NAA11: variants seen among roughly 807,000 people sequenced by gnomAD.
NAA11 encodes N-alpha-acetyltransferase 11.
NAA11 carries 15 observed loss-of-function variants against 16.1 expected under a neutral mutation model. That is an observed-to-expected ratio of 0.93 (90% CI 0.62 to 1.44). The LOEUF (loss-of-function observed/expected upper bound fraction) is 1.44, where lower values mean the gene tolerates loss of function less well. Among genes scored for constraint, NAA11 ranks in the 40% most tolerant of loss-of-function variants. The probability of loss-of-function intolerance (pLI) is 0.00; values close to 1 mark genes in which losing one functional copy is unlikely to be tolerated. For synonymous variants in NAA11, 122 were observed against 112.4 expected (o/e 1.09, Z -0.54); for missense variants, 298 against 291.3 (o/e 1.02, Z -0.17).
chr4:79,235,208 C>G (rs1578154440), intron 2 of NAA11, among the ~76,000 whole-genome samples: 1 of 152,020 alleles, frequency 6.6e-6, no homozygotes, highest in East Asian at 1.9e-4. Flanking sequence ...AGACCCCATC[C>G]CTTTGGGGAC....
chr4:79,300,569 ATTTC>A lies in NAA11; in HGVS notation c.*13-6459_*13-6456del, dbSNP rs564231437. Reference sequence around the variant, plus strand: ...ACTATACAGGGCAGGAAGAGAAAGCATTTCTTCTATCCTTAAGTAATTGGAAATC... The same window carrying A: ...ACTATACAGGGCAGGAAGAGAAAGCATTCTATCCTTAAGTAATTGGAAATC... On this transcript the variant is annotated intron_variant and NMD_transcript_variant, in intron 1 of 2. Coordinates refer to the NAA11 transcript ENST00000511542. 2.3e-4 allele frequency among the ~76,000 whole-genome samples: 35 copies of A among 152,352 alleles called. No homozygotes were observed. The East Asian group carries it at 6.7e-3, about 29-fold the overall frequency.
intron 2 of NAA11, among the ~76,000 whole-genome samples, chr4:79,281,287 A>AG (rs900517628): frequency 2.0e-5 from 3 of 151,784 alleles, no homozygotes; most frequent in African/African-American, 4.8e-5. Flanking sequence ...AAAAAAAAAA[A>AG]CATTCTCAAG....
At chr4:79,228,587 A>G (rs1347972872) in intron 2 of NAA11, among the ~76,000 whole-genome samples, 1 of 69,054 alleles carries the variant, frequency 1.4e-5, no homozygotes, top group Non-Finnish European at 4.5e-5. Flanking sequence ...TTGTGTCTGG[A>G]TTGTTTCATT....
chr4:79,296,807 C>A lies in NAA11; in HGVS notation c.*13-2693G>T, dbSNP rs146352546. Among the ~76,000 whole-genome samples the A allele has an allele frequency of 3.1e-4, 47 of 152,332 alleles. No individual in the cohort carries two copies. In the East Asian group the frequency reaches 7.3e-3, roughly 24 times the overall value. The stretch of plus-strand genomic sequence containing the variant: ...CCCTATGATTTAACATTTATCCCCA[C>A]CCATAGACCACTGAATGTTTTTCCT... On this transcript the variant is annotated intron_variant and NMD_transcript_variant, in intron 1 of 2. Coordinates refer to the NAA11 transcript ENST00000511542.
intron 2 of NAA11, among the ~76,000 whole-genome samples, chr4:79,286,440 C>G (rs1469917878): frequency 6.6e-6 from 1 of 151,970 alleles, no homozygotes; most frequent in Non-Finnish European, 1.5e-5. Flanking sequence ...ATAGATGTTT[C>G]AAAGTATATG....
chr4:79,309,260 G>A (rs771351154), intron 1 of NAA11, among the ~76,000 whole-genome samples: 2 of 152,050 alleles, frequency 1.3e-5, no homozygotes, highest in Non-Finnish European at 1.5e-5. Context: ...TTTTTTAACA[G>A]ACAAAACAGA....
the NAA11 span, among the ~76,000 whole-genome samples, chr4:79,206,208 C>T: frequency 1.3e-5 from 2 of 152,030 alleles, no homozygotes; most frequent in African/African-American, 2.4e-5. Context: ...GCAGTATGGT[C>T]ATTTTCCAAT....
chr4:79,205,446 T>A, the NAA11 span, among the ~76,000 whole-genome samples: 257 of 152,216 alleles, frequency 1.7e-3, 1 homozygote, highest in Non-Finnish European at 2.8e-3. Context: ...TACCCCTTTT[T>A]AATAGGATTA....
At chr4:79,262,920 T>C (rs1722271041) in intron 2 of NAA11, among the ~76,000 whole-genome samples, 1 of 152,106 alleles carries the variant, frequency 6.6e-6, no homozygotes, top group Non-Finnish European at 1.5e-5. Context: ...ATGCTAGTAC[T>C]ATGAAAGAAA....
At chr4:79,216,022 C>A in the NAA11 span, among the ~76,000 whole-genome samples, 9 of 152,220 alleles carry the variant, frequency 5.9e-5, no homozygotes, top group African/African-American at 2.2e-4. Context: ...GTATTTCATT[C>A]TCTTAAGTAC....
chr4:79,188,654 T>C, the NAA11 span, among the ~76,000 whole-genome samples: 1 of 152,024 alleles, frequency 6.6e-6, no homozygotes, highest in Non-Finnish European at 1.5e-5. Flanking sequence ...GGTGACAAAA[T>C]TTTACACTTC....
At chr4:79,244,916 C>T (rs1231119687) in intron 2 of NAA11, 6 of 165,682 alleles carry the variant, frequency 3.6e-5, no homozygotes, top group African/African-American at 9.6e-5. Context: ...ACGGGAGTCT[C>T]GCTTACTCAG....
chr4:79,256,669 T>TATATATA (rs1560427608), intron 2 of NAA11, among the ~76,000 whole-genome samples: 5 of 146,868 alleles, frequency 3.4e-5, no homozygotes, highest in African/African-American at 1.3e-4. Context: ...TATATATATA[T>TATATATA]TGACACGAGG....
chr4:79,230,628 C>T (rs189128303), intron 2 of NAA11, among the ~76,000 whole-genome samples: 8 of 152,068 alleles, frequency 5.3e-5, no homozygotes, highest in Admixed American at 5.3e-4. Flanking sequence ...ATCAGAGTGT[C>T]ATTTTGAAGT....
downstream of NAA11, among the ~76,000 whole-genome samples, chr4:79,225,142 G>A (rs960842491): frequency 3.3e-5 from 5 of 151,976 alleles, no homozygotes; most frequent in Admixed American, 6.6e-5. Context: ...TGTAACAAAT[G>A]TACCATACTA....
intron 2 of NAA11, among the ~76,000 whole-genome samples, chr4:79,261,284 T>C (rs1000152447): frequency 6.6e-6 from 1 of 152,200 alleles, no homozygotes; most frequent in African/African-American, 2.4e-5. Flanking sequence ...CTATCTTCCT[T>C]GTATGCTTCA....
At chr4:79,155,474 C>T in the NAA11 span, among the ~76,000 whole-genome samples, 1,348 of 152,278 alleles carry the variant, frequency 8.9e-3, 21 homozygotes, top group African/African-American at 0.031. Flanking sequence ...TAATTGCATT[C>T]TATGCTCTTT....
In NAA11 at chr4:79,325,482, C is replaced by T. The variant is rs747999589; in HGVS notation, c.396G>A (p.Glu132=). ...YSNTLNFQIS[E]VEPKYYADGE... The stretch of plus-strand genomic sequence containing the variant: ...CATCTGCATAGTATTTAGGTTCCAC[C>T]TCACTAATCTGAAAGTTGAGGGTGT... Residue 132 remains glutamate, a synonymous_variant, in exon 1 of 2, where the codon GAG becomes GAA. Coordinates refer to ENST00000286794, the MANE Select transcript of NAA11 (RefSeq NM_032693.3). The T allele has an allele frequency of 1.1e-4, 185 of 1,614,094 alleles. No individual in the cohort carries two copies. The highest frequency in any genetic ancestry group is 1.5e-4 in the Non-Finnish European group (172 of 1,180,052).
Position 79,325,539 on chromosome 4 carries a change from C to T in NAA11, c.339G>A (p.Lys113=), listed in dbSNP as rs566378679. The change falls in exon 1 of 2, where the codon AAG becomes AAA. Residue 113 remains lysine (K), a synonymous_variant. Coordinates refer to ENST00000286794, the MANE Select transcript of NAA11 (RefSeq NM_032693.3). ...NAKYVSLHVR[K]SNRPALHLYS... ...AAAGGTGCAAGGCTGGCCGGTTACT[C>T]TTCCTGACGTGCAGAGACACGTATT... 10 of 1,614,028 alleles carry T rather than the reference C, an allele frequency of 6.2e-6. No homozygotes were observed. The highest frequency in any genetic ancestry group is 1.3e-5 in the African/African-American group (1 of 74,936).
Sources: gnomAD v4.1 joint callset for allele counts (sites outside exome capture counted in the v4.1 genomes callset) on GRCh38, gnomAD v4.1.1 for gene constraint, MANE v1.5 for transcripts, NCBI Gene and HGNC (gene_info 2026-07-23, HGNC 2026-07-21) for gene names.